The following EYA2 variants were observed in gnomAD, a reference collection of about 807,000 sequenced individuals.
The protein encoded by EYA2 is protein phosphatase EYA2.
Under a neutral mutation model 69.2 loss-of-function variants are expected in EYA2, and 31 were observed. The ratio of observed to expected loss-of-function variants is 0.45; its 90% CI spans 0.34 to 0.60. EYA2 has a LOEUF of 0.60. Ranked by LOEUF, EYA2 falls within the 20% of genes least tolerant of loss-of-function variation. The pLI is 0.02. For synonymous variants in EYA2, 257 were observed against 279.4 expected, an observed-to-expected ratio of 0.92 and a Z score of 0.80; for missense variants, 622 against 701.2, an observed-to-expected ratio of 0.89 and a Z score of 1.28.
chr20:47,168,898 T>C (rs534531782), intron 10 of EYA2, among the ~76,000 whole-genome samples: 1 of 152,162 alleles, frequency 6.6e-6, no homozygotes, highest in Non-Finnish European at 1.5e-5. Flanking sequence ...AGTATCTGTA[T>C]GGTCACTTTC....
chr20:47,088,221 G>A (rs1027718082), intron 7 of EYA2, among the ~76,000 whole-genome samples: 2 of 152,282 alleles, frequency 1.3e-5, no homozygotes, highest in East Asian at 1.9e-4. Context: ...GCAACAGAGC[G>A]AGACTCCGTC....
At chr20:47,022,177 T>G (rs1030111238) in intron 5 of EYA2, among the ~76,000 whole-genome samples, 1 of 152,246 alleles carries the variant, frequency 6.6e-6, no homozygotes, top group African/African-American at 2.4e-5. Context: ...TGAGGGCCCC[T>G]CCGTCCAAAC....
intron 1 of EYA2, among the ~76,000 whole-genome samples, chr20:46,896,810 G>A (rs529622915): frequency 1.3e-5 from 2 of 152,240 alleles, no homozygotes; most frequent in African/African-American, 4.8e-5. Flanking sequence ...CCATTCTCTT[G>A]TAACTTCAGC....
chr20:47,082,722 T>C (rs761561724), intron 7 of EYA2, among the ~76,000 whole-genome samples: 1 of 152,162 alleles, frequency 6.6e-6, no homozygotes, highest in Non-Finnish European at 1.5e-5. Flanking sequence ...TCAAGCTGTT[T>C]CTGAACTTTA....
intron 7 of EYA2, among the ~76,000 whole-genome samples, chr20:47,080,073 T>A (rs536007358): frequency 1.3e-5 from 2 of 152,188 alleles, no homozygotes; most frequent in Non-Finnish European, 2.9e-5. Context: ...CCAAGATAAA[T>A]ATTAATATCT....
chr20:47,145,112 G>A (rs1290914369), intron 10 of EYA2, among the ~76,000 whole-genome samples: 1 of 152,034 alleles, frequency 6.6e-6, no homozygotes, highest in Non-Finnish European at 1.5e-5. Context: ...TAGGGCCCAG[G>A]CAGTAAACAA....
At chr20:47,065,916 T>C (rs189055400) in intron 5 of EYA2, among the ~76,000 whole-genome samples, 1 of 152,358 alleles carries the variant, frequency 6.6e-6, no homozygotes, top group East Asian at 1.9e-4. Context: ...TACCTGAATG[T>C]CAGTGTCAAC....
intron 2 of EYA2, among the ~76,000 whole-genome samples, chr20:46,991,665 T>C (rs1446975958): frequency 3.3e-5 from 5 of 152,088 alleles, no homozygotes; most frequent in Non-Finnish European, 5.9e-5. Flanking sequence ...GGAGTTCTGG[T>C]TTATCTTAAA....
intron 1 of EYA2, among the ~76,000 whole-genome samples, chr20:46,899,893 G>T (rs1984008069): frequency 6.6e-6 from 1 of 152,184 alleles, no homozygotes; most frequent in Admixed American, 6.5e-5. Flanking sequence ...TTTTTGAAAA[G>T]TCTGCCTCTG....
At chr20:46,904,015 A>G (rs750811503) in intron 1 of EYA2, among the ~76,000 whole-genome samples, 1 of 152,184 alleles carries the variant, frequency 6.6e-6, no homozygotes, top group Non-Finnish European at 1.5e-5. Flanking sequence ...GCTATTGATC[A>G]GTTGAGTCAT....
Position 47,057,510 on chromosome 20 carries a change from ACC to A in EYA2, c.416-14664_416-14663del, listed in dbSNP as rs796462817. On this transcript the variant is annotated intron_variant, in intron 5 of 15. Transcript: ENST00000327619. ...TTATCTGCTGACTACTTTTTATATC[ACC>A]CCCCCCCCCCATCTCATACCTCCAG... 8.4e-3 allele frequency among the ~76,000 whole-genome samples: 798 copies of A among 94,832 alleles called. 35 individuals carry two copies. Among genetic ancestry groups the A allele is most frequent in the African/African-American group, 0.025 (750 of 29,520 alleles). The allele number at this position is 94,832 out of a possible 152,430, so 62.2% of individuals were successfully genotyped here.
chr20:47,047,936 C>A (rs554231516), intron 5 of EYA2, among the ~76,000 whole-genome samples: 4 of 152,130 alleles, frequency 2.6e-5, no homozygotes, highest in African/African-American at 9.6e-5. Flanking sequence ...TCCCAGCCTC[C>A]CAAAGTGCTA....
intron 1 of EYA2, among the ~76,000 whole-genome samples, chr20:46,984,333 AAC>A (rs1392694996): frequency 2.0e-5 from 3 of 152,166 alleles, no homozygotes; most frequent in Non-Finnish European, 4.4e-5. Context: ...GCATTCGAAA[AAC>A]ACATTGAATA....
chr20:47,016,817 A>G (rs1983441041), intron 5 of EYA2, among the ~76,000 whole-genome samples: 1 of 152,224 alleles, frequency 6.6e-6, no homozygotes, highest in Admixed American at 6.5e-5. Flanking sequence ...GTCAGAAGGC[A>G]TGTAGGAGGA....
chr20:47,058,309 G>A (rs529754169), intron 5 of EYA2, among the ~76,000 whole-genome samples: 1 of 152,362 alleles, frequency 6.6e-6, no homozygotes, highest in Middle Eastern at 3.4e-3. Flanking sequence ...GCCTGTAGGG[G>A]TGTAGGATGT....
At chr20:46,956,850 C>G (rs1979154146) in intron 1 of EYA2, among the ~76,000 whole-genome samples, 1 of 152,174 alleles carries the variant, frequency 6.6e-6, no homozygotes, top group African/African-American at 2.4e-5. Context: ...TCATGAAAGG[C>G]AAAAGGCATG....
At chr20:47,127,607 A>G (rs932457521) in intron 9 of EYA2, among the ~76,000 whole-genome samples, 5 of 152,230 alleles carry the variant, frequency 3.3e-5, no homozygotes, top group African/African-American at 4.8e-5. Context: ...CAGATTAACT[A>G]ATTTCACCCT....
At chr20:46,906,651 C>T (rs1984371481) in intron 1 of EYA2, among the ~76,000 whole-genome samples, 1 of 152,218 alleles carries the variant, frequency 6.6e-6, no homozygotes, top group South Asian at 2.1e-4. Context: ...GATGAAAGTA[C>T]TGTTACTATT....
At chr20:46,979,401 C>G (rs1174939112) in intron 1 of EYA2, 1 of 152,278 alleles carries the variant, frequency 6.6e-6, no homozygotes, top group African/African-American at 2.4e-5. Context: ...TCTTTCTTCC[C>G]GCTCCTTCAG....
Sources: allele counts gnomAD v4.1 joint callset (sites outside exome capture counted in the v4.1 genomes callset), GRCh38; gene constraint gnomAD v4.1.1; transcripts MANE v1.5; gene names NCBI Gene and HGNC (gene_info 2026-07-23, HGNC 2026-07-21).